RGS7: variants seen among roughly 807,000 people sequenced by gnomAD.
RGS7 encodes the protein regulator of G protein signaling 7.
A neutral mutation model predicts 81.1 loss-of-function variants in RGS7; 27 were observed. That is an observed-to-expected ratio of 0.33 (90% CI 0.25 to 0.46). The LOEUF (loss-of-function observed/expected upper bound fraction) is 0.46, where lower values mean the gene tolerates loss of function less well. RGS7 is among the 20% of genes least tolerant of loss of function. RGS7 has a pLI of 1.00. For synonymous variants in RGS7, 208 were observed against 207.7 expected (o/e 1.00, Z -0.01); for missense variants, 396 against 607.4 (o/e 0.65, Z 3.66).
intron 9 of RGS7, among the ~76,000 whole-genome samples, chr1:240,833,000 T>C (rs1276299877): frequency 1.3e-5 from 2 of 152,144 alleles, no homozygotes; most frequent in African/African-American, 2.4e-5. Context: ...ATACACATGC[T>C]TATCATAAAG....
intron 2 of RGS7, among the ~76,000 whole-genome samples, chr1:241,182,526 C>T (rs1220912687): frequency 6.6e-6 from 1 of 152,152 alleles, no homozygotes; most frequent in Non-Finnish European, 1.5e-5. Context: ...TAGAGCTATA[C>T]TTGCTACTAT....
chr1:241,115,870 G>T (rs1187959231), intron 2 of RGS7, among the ~76,000 whole-genome samples: 3 of 152,130 alleles, frequency 2.0e-5, no homozygotes, highest in Non-Finnish European at 4.4e-5. Context: ...ATGTCGAACT[G>T]GAGGAGGGGC....
intron 2 of RGS7, among the ~76,000 whole-genome samples, chr1:241,294,295 G>T (rs541540553): frequency 1.3e-5 from 2 of 151,654 alleles, no homozygotes; most frequent in Non-Finnish European, 2.9e-5. Flanking sequence ...TGTCGGGGGT[G>T]GGGGGCAAGA....
At chr1:240,827,042 G>A (rs532544216) in intron 10 of RGS7, 56 bp downstream of exon 10, 58 of 1,366,060 alleles carry the variant, frequency 4.2e-5, no homozygotes, top group South Asian at 2.9e-4. Flanking sequence ...TATGGCTGAC[G>A]TCCTGTAAAC....
chr1:241,342,344 C>T (rs1046943077), intron 2 of RGS7, among the ~76,000 whole-genome samples: 2 of 152,132 alleles, frequency 1.3e-5, no homozygotes, highest in Non-Finnish European at 2.9e-5. Flanking sequence ...AGAGATTTAG[C>T]ACGTGCTATT....
At chr1:241,126,130 A>ATATTTATT (rs55756762) in intron 2 of RGS7, among the ~76,000 whole-genome samples, 10 of 151,244 alleles carry the variant, frequency 6.6e-5, no homozygotes, top group Admixed American at 2.6e-4. Flanking sequence ...TTTCCCATTT[A>ATATTTATT]TATTTATTTA....
intron 6 of RGS7, among the ~76,000 whole-genome samples, chr1:240,881,917 A>G (rs1463346218): frequency 5.1e-5 from 7 of 137,886 alleles, no homozygotes; most frequent in African/African-American, 1.8e-4. Context: ...GACTATAAAA[A>G]TCTTTTTTTT....
At chr1:240,984,189 T>C (rs1046617598) in intron 3 of RGS7, among the ~76,000 whole-genome samples, 1 of 152,120 alleles carries the variant, frequency 6.6e-6, no homozygotes, top group African/African-American at 2.4e-5. Context: ...CTTTTTCCCA[T>C]AAGGAAAGCA....
chr1:240,844,338 G>C (rs1658666977), intron 9 of RGS7, among the ~76,000 whole-genome samples: 1 of 152,122 alleles, frequency 6.6e-6, no homozygotes, highest in African/African-American at 2.4e-5. Flanking sequence ...ATCAGTACTT[G>C]AGATCAATAC....
intron 3 of RGS7, among the ~76,000 whole-genome samples, chr1:241,080,407 G>C (rs886278381): frequency 6.6e-6 from 1 of 151,982 alleles, no homozygotes; most frequent in Non-Finnish European, 1.5e-5. Flanking sequence ...TTGGCTATCT[G>C]ATAAGAAAAC....
At chr1:241,207,213 C>T (rs1223457569) in intron 2 of RGS7, among the ~76,000 whole-genome samples, 40 of 150,834 alleles carry the variant, frequency 2.7e-4, no homozygotes, top group Admixed American at 2.6e-3. Flanking sequence ...GTGATCTGCC[C>T]GCCTCGGCCT....
chr1:241,146,273 A>G lies in RGS7; in HGVS notation c.79-47511T>C, dbSNP rs187937292. 5.4e-3 allele frequency among the ~76,000 whole-genome samples: 819 copies of G among 152,376 alleles called. 11 individuals carry two copies. The highest frequency in any genetic ancestry group is 0.019 in the African/African-American group (791 of 41,588). ...ACAATAGAGCACAACAACTATTTCA[A>G]TAACATTTACATTGTATGAGGTATT... On this transcript the variant is annotated intron_variant, in intron 2 of 18. Transcript: ENST00000440928.
intron 14 of RGS7, among the ~76,000 whole-genome samples, chr1:240,808,908 T>TTC (rs5782162): frequency 6.6e-6 from 1 of 151,340 alleles, no homozygotes; most frequent in African/African-American, 2.4e-5. Flanking sequence ...ATATCCTTTA[T>TTC]ATAGGTGGAA....
chr1:241,180,316 A>C (rs2103306713), intron 2 of RGS7, among the ~76,000 whole-genome samples: 1 of 152,210 alleles, frequency 6.6e-6, no homozygotes, highest in Admixed American at 6.5e-5. Context: ...CGGAGATTGC[A>C]GTGAGCTGAG....
At chr1:241,075,126 T>C (rs892833005) in intron 3 of RGS7, among the ~76,000 whole-genome samples, 5 of 152,162 alleles carry the variant, frequency 3.3e-5, no homozygotes, top group Non-Finnish European at 7.3e-5. Context: ...TCTTAAATGC[T>C]TTTCAGCCTG....
intron 3 of RGS7, among the ~76,000 whole-genome samples, chr1:241,080,618 T>G (rs370362823): frequency 1.4e-4 from 21 of 152,190 alleles, no homozygotes; most frequent in African/African-American, 5.1e-4. Flanking sequence ...ATACACCAGT[T>G]AGAAATACTG....
At chr1:240,827,242 T>C in intron 9 of RGS7, 70 bp from the exon 10 acceptor site, 2 of 1,234,486 alleles carry the variant, frequency 1.6e-6, no homozygotes, top group East Asian at 2.3e-5. Context: ...CAATCATGAA[T>C]GGCTCGCTCT....
chr1:240,890,373 G>T (rs569848842), intron 6 of RGS7, among the ~76,000 whole-genome samples: 2 of 152,022 alleles, frequency 1.3e-5, no homozygotes, highest in Non-Finnish European at 2.9e-5. Context: ...AAATGGTCTC[G>T]ATCTCTTGAC....
At chr1:241,065,806 G>A (rs995749196) in intron 3 of RGS7, among the ~76,000 whole-genome samples, 2 of 152,136 alleles carry the variant, frequency 1.3e-5, no homozygotes, top group African/African-American at 2.4e-5. Flanking sequence ...TTTATTAACT[G>A]AGTGATGATG....
Sources: allele counts gnomAD v4.1 joint callset (sites outside exome capture counted in the v4.1 genomes callset), GRCh38; gene constraint gnomAD v4.1.1; transcripts MANE v1.5; gene names NCBI Gene and HGNC (gene_info 2026-07-23, HGNC 2026-07-21).